The following CEP85L variants were observed in gnomAD, a reference collection of about 807,000 sequenced individuals.
CEP85L encodes centrosomal protein of 85 kDa-like.
CEP85L carries 60 observed loss-of-function variants against 100.3 expected under a neutral mutation model. The ratio of observed to expected loss-of-function variants is 0.60; its 90% CI spans 0.49 to 0.74. The LOEUF (loss-of-function observed/expected upper bound fraction) is 0.74, where lower values mean the gene tolerates loss of function less well. Ranked by LOEUF, CEP85L falls within the 30% of genes least tolerant of loss-of-function variation. CEP85L has a pLI of 0.00. For missense variants in CEP85L, 973 were observed against 936.2 expected, an observed-to-expected ratio of 1.04 and a Z score of -0.51; for synonymous variants, 319 against 322.7, an observed-to-expected ratio of 0.99 and a Z score of 0.12.
rs144778354 is a variant in CEP85L at position 118,600,036 on chromosome 6, T to A, written c.232+32417A>T. Among the ~76,000 whole-genome samples, 396 of 151,946 alleles carry A rather than the reference T, an allele frequency of 2.6e-3. 1 individual carries two copies. Among genetic ancestry groups the A allele is most frequent in the African/African-American group, 9.1e-3 (379 of 41,462 alleles). On this transcript the variant is annotated intron_variant, in intron 2 of 12. Transcript: ENST00000368491. ...GGTAAAATTCTAATAAAGTCTATGGTTAAAAAATAAATGTGTACATATAGG... is the reference window on the plus strand; with the variant it reads ...GGTAAAATTCTAATAAAGTCTATGGATAAAAAATAAATGTGTACATATAGG...
intron 2 of CEP85L, among the ~76,000 whole-genome samples, chr6:118,582,710 T>C (rs905101132): frequency 6.6e-6 from 1 of 152,212 alleles, no homozygotes; most frequent in East Asian, 1.9e-4. Flanking sequence ...CCCACAGCCT[T>C]TATGGAAAGG....
upstream of CEP85L, among the ~76,000 whole-genome samples, chr6:118,655,436 C>A (rs1484055052): frequency 2.6e-5 from 4 of 152,182 alleles, no homozygotes; most frequent in African/African-American, 7.2e-5. Context: ...GTCAATGGAA[C>A]TTATTATGGT....
At chr6:118,596,580 T>C (rs1363621270) in intron 2 of CEP85L, among the ~76,000 whole-genome samples, 2 of 152,136 alleles carry the variant, frequency 1.3e-5, no homozygotes, top group African/African-American at 4.8e-5. Flanking sequence ...TCAACACACA[T>C]AGCAGGCTTT....
intron 3 of CEP85L, among the ~76,000 whole-genome samples, chr6:118,532,596 T>C (rs1232309836): frequency 6.6e-6 from 1 of 152,182 alleles, no homozygotes; most frequent in East Asian, 1.9e-4. Context: ...TCTAAAGATT[T>C]AGATGAAATG....
intron 2 of CEP85L, among the ~76,000 whole-genome samples, chr6:118,579,745 G>A (rs964972783): frequency 2.0e-5 from 3 of 152,240 alleles, no homozygotes; most frequent in Admixed American, 1.3e-4. Flanking sequence ...ATTTTAGGCA[G>A]ATAGAGAAGA....
At chr6:118,617,165 T>G (rs1364840298) in intron 2 of CEP85L, among the ~76,000 whole-genome samples, 2 of 152,164 alleles carry the variant, frequency 1.3e-5, no homozygotes, top group African/African-American at 4.8e-5. Context: ...TAAAACTCAC[T>G]CATTTCCTGC....
intron 3 of CEP85L, among the ~76,000 whole-genome samples, chr6:118,545,795 A>C (rs1002335378): frequency 1.3e-5 from 2 of 152,224 alleles, no homozygotes; most frequent in African/African-American, 2.4e-5. Context: ...TCTAAAGGAA[A>C]AAAGAAAATA....
intron 2 of CEP85L, among the ~76,000 whole-genome samples, chr6:118,584,318 A>T (rs1446749025): frequency 6.6e-6 from 1 of 152,176 alleles, no homozygotes; most frequent in African/African-American, 2.4e-5. Flanking sequence ...TTAGGGAAGG[A>T]GGGAGTTGAG....
intron 3 of CEP85L, among the ~76,000 whole-genome samples, chr6:118,562,300 TTTTTCA>T (rs1330073473): frequency 6.6e-6 from 1 of 152,128 alleles, no homozygotes; most frequent in Non-Finnish European, 1.5e-5. Flanking sequence ...TAAATAAAAC[TTTTTCA>T]TTATTATTTC....
At position 118,628,309 on chromosome 6, in the gene CEP85L, G is replaced by C. The variant is rs554505936; in HGVS notation, c.232+4144C>G. On this transcript the variant is annotated intron_variant, in intron 2 of 12. Transcript: ENST00000368491. ...GGTAAAGGCTTTAATTGAAAAAGTA[G>C]ACATCTTCCAAGAACAGACGGATAA... Among the ~76,000 whole-genome samples the C allele has an allele frequency of 2.6e-5, 4 of 152,184 alleles. No individual in the cohort carries two copies. In the South Asian group the frequency reaches 8.3e-4, roughly 32 times the overall value.
At chr6:118,542,908 A>AAAAAAAAAAAAAAAAC (rs1777981562) in intron 3 of CEP85L, among the ~76,000 whole-genome samples, 1 of 146,374 alleles carries the variant, frequency 6.8e-6, no homozygotes, top group African/African-American at 2.5e-5. Flanking sequence ...CCCAAAAAAA[A>AAAAAAAAAAAAAAAAC]AAAAAAAAAA....
intron 2 of CEP85L, among the ~76,000 whole-genome samples, chr6:118,631,365 A>G (rs1364258545): frequency 1.3e-5 from 2 of 152,224 alleles, no homozygotes; most frequent in East Asian, 1.9e-4. Context: ...ACTTATACAT[A>G]CATTGCTGAT....
At chr6:118,651,627 G>C, upstream of CEP85L, 1 of 1,037,292 alleles carries the variant, frequency 9.6e-7, no homozygotes, top group Non-Finnish European at 1.2e-6. Context: ...AGCCGGGGCT[G>C]GGGCCGCGAG....
At chr6:118,637,320 T>A (rs1454479479) in intron 1 of CEP85L, among the ~76,000 whole-genome samples, 3 of 152,198 alleles carry the variant, frequency 2.0e-5, no homozygotes, top group Non-Finnish European at 4.4e-5. Context: ...CTAAAATTTC[T>A]TTCAGTGTAC....
chr6:118,649,260 TGTCA>T (rs1045105108), intron 1 of CEP85L, among the ~76,000 whole-genome samples: 1 of 152,222 alleles, frequency 6.6e-6, no homozygotes, highest in Non-Finnish European at 1.5e-5. Context: ...TGTCCTGACT[TGTCA>T]ATAGTTTATT....
At chr6:118,601,540 T>C (rs1257120752) in intron 2 of CEP85L, among the ~76,000 whole-genome samples, 2 of 152,226 alleles carry the variant, frequency 1.3e-5, no homozygotes, top group East Asian at 3.8e-4. Context: ...GAATATCTGT[T>C]TTGGGGTATC....
intron 10 of CEP85L, among the ~76,000 whole-genome samples, chr6:118,476,782 C>T (rs1412294425): frequency 2.0e-5 from 3 of 152,174 alleles, no homozygotes; most frequent in Admixed American, 1.3e-4. Context: ...ATTATTCTAT[C>T]TTTTGTGATA....
chr6:118,537,878 T>C (rs914388350), intron 3 of CEP85L: 2 of 985,214 alleles, frequency 2.0e-6, no homozygotes, highest in Admixed American at 6.2e-5. Context: ...TAAATCTTCC[T>C]CTGTTTCCTG....
chr6:118,691,590 C>A (rs1240808522), intron 1 of CEP85L, among the ~76,000 whole-genome samples: 7 of 144,602 alleles, frequency 4.8e-5, no homozygotes, highest in African/African-American at 7.9e-5. Context: ...AAAAAATTAG[C>A]CAGGCGTGGT....
Sources: gnomAD v4.1 joint callset for allele counts (sites outside exome capture counted in the v4.1 genomes callset) on GRCh38, gnomAD v4.1.1 for gene constraint, MANE v1.5 for transcripts, NCBI Gene and HGNC (gene_info 2026-07-23, HGNC 2026-07-21) for gene names.